The following PDPN variants were observed in gnomAD, a reference collection of about 807,000 sequenced individuals.
PDPN encodes the protein PA2.26 antigen.
A neutral mutation model predicts 23.2 loss-of-function variants in PDPN; 12 were observed. The observed-to-expected ratio is 0.52, with a 90% CI of 0.33 to 0.84. PDPN has a LOEUF of 0.84. PDPN is among the 40% of genes least tolerant of loss of function. PDPN has a pLI of 0.02. For missense variants in PDPN, 199 were observed against 212.2 expected, an observed-to-expected ratio of 0.94 and a Z score of 0.39; for synonymous variants, 77 against 76.7, an observed-to-expected ratio of 1.00 and a Z score of -0.02.
chr1:13,614,485 A>C, intron 5 of PDPN, 74 bp downstream of exon 5: 1 of 827,776 alleles, frequency 1.2e-6, no homozygotes, highest in African/African-American at 1.7e-5. Flanking sequence ...CTTTGAACTA[A>C]TAGAAATCTC....
chr1:13,585,673 C>A, intron 1 of PDPN: 1 of 1,341,840 alleles, frequency 7.5e-7, no homozygotes, highest in South Asian at 1.1e-5. Context: ...AACCGAAAAA[C>A]CATCGTTGGT....
chr1:13,585,613 C>A, intron 1 of PDPN: 1 of 1,352,002 alleles, frequency 7.4e-7, no homozygotes, highest in Non-Finnish European at 9.8e-7. Flanking sequence ...GCTGTGATTC[C>A]CTTCAGCCGG....
chr1:13,605,044 C>G (rs1186515214), intron 1 of PDPN, among the ~76,000 whole-genome samples: 1 of 152,210 alleles, frequency 6.6e-6, no homozygotes, highest in Admixed American at 6.5e-5. Context: ...GATTAGGACT[C>G]TAGAATAAAA....
rs1315034942 is a variant in PDPN, at chr1:13,616,994, C to T, written c.*1083C>T. ...TGTACAGTCTTAATATTAAAAGCAG[C>T]TTGACTAAATACCTGATTTAAAAAT... On this transcript the variant is annotated 3_prime_UTR_variant, in exon 6 of 6. Coordinates refer to ENST00000621990, the MANE Select transcript of PDPN (RefSeq NM_006474.5). The T allele has an allele frequency of 6.6e-6, 1 of 152,182 alleles. No homozygotes were observed. The highest frequency in any genetic ancestry group is 1.5e-5 in the Non-Finnish European group (1 of 68,034). The allele number at this position is 152,182 out of a possible 1,614,324, so 9.4% of individuals were successfully genotyped here.
In PDPN at chr1:13,616,949, A is replaced by C. The variant is rs981352823; in HGVS notation, c.*1038A>C. 1 of 152,256 alleles carries C rather than the reference A, an allele frequency of 6.6e-6. No homozygotes were observed. The highest frequency in any genetic ancestry group is 1.5e-5 in the Non-Finnish European group (1 of 68,056). 9.4% of individuals were successfully genotyped at this position (152,256 alleles called of 1,614,324 possible). On this transcript the variant is annotated 3_prime_UTR_variant, in exon 6 of 6. Transcript: ENST00000621990. ...TCACTTTCTGCCTCTGAGGAAAGAT[A>C]CAGGGAACAAAAATCAATTTGTACA...
intron 1 of PDPN, chr1:13,584,364 C>T: frequency 7.0e-7 from 1 of 1,427,082 alleles, no homozygotes; most frequent in Non-Finnish European, 9.2e-7. Context: ...GGGGGCCTCC[C>T]TCCGAGTCGG....
chr1:13,593,196 C>T (rs1557538275), intron 1 of PDPN, among the ~76,000 whole-genome samples: 1 of 152,096 alleles, frequency 6.6e-6, no homozygotes, highest in Non-Finnish European at 1.5e-5. Flanking sequence ...ATAGGAATGA[C>T]AGAAAGCAGA....
At chr1:13,585,420 C>G (rs1422904836) in intron 1 of PDPN, 3 of 1,140,438 alleles carry the variant, frequency 2.6e-6, no homozygotes, top group Admixed American at 6.4e-5. Context: ...ACTTCTCTTT[C>G]CACTGGAATA....
chr1:13,585,714 G>T, intron 1 of PDPN: 1 of 1,184,582 alleles, frequency 8.4e-7, no homozygotes, highest in African/African-American at 1.5e-5. Context: ...AGAAAGAAGT[G>T]GTATGCGGGG....
At position 13,591,839 on chromosome 1, in the gene PDPN, C is replaced by T. The variant is rs189820811; in HGVS notation, c.67+7739C>T. 5.3e-4 allele frequency among the ~76,000 whole-genome samples: 81 copies of T among 152,308 alleles called. 4 individuals carry two copies. The South Asian group carries it at 5.4e-3, about 10-fold the overall frequency. On this transcript the variant is annotated intron_variant, in intron 1 of 5. Coordinates refer to ENST00000621990, the MANE Select transcript of PDPN (RefSeq NM_006474.5). Reference sequence around the variant, plus strand: ...CCTCCCAAATAGCTGGGACTACAGGCGTATGCCACCACACCAAGTTTGTTT... The same window carrying T: ...CCTCCCAAATAGCTGGGACTACAGGTGTATGCCACCACACCAAGTTTGTTT...
At chr1:13,611,805 A>G (rs1209459129) in intron 3 of PDPN, among the ~76,000 whole-genome samples, 2 of 152,200 alleles carry the variant, frequency 1.3e-5, no homozygotes, top group Non-Finnish European at 2.9e-5. Context: ...TAAAACCTGA[A>G]GCTCACTCCA....
chr1:13,587,474 G>GGGAGGAGGA (rs531647187), intron 1 of PDPN, among the ~76,000 whole-genome samples: 2 of 152,044 alleles, frequency 1.3e-5, no homozygotes, highest in Middle Eastern at 3.2e-3. Flanking sequence ...AATACGACGG[G>GGGAGGAGGA]GGAGGAGGAG....
intron 1 of PDPN, among the ~76,000 whole-genome samples, chr1:13,586,856 A>G (rs897526026): frequency 5.3e-5 from 8 of 151,160 alleles, no homozygotes; most frequent in Admixed American, 2.0e-4. Flanking sequence ...GTTCGAGACC[A>G]GCCTGGCCAA....
chr1:13,614,437 G>A (rs1641016715), intron 5 of PDPN, 26 bp downstream of exon 5: 2 of 1,125,658 alleles, frequency 1.8e-6, no homozygotes, highest in Non-Finnish European at 2.7e-6. Context: ...ACACCCATGT[G>A]ATAGGCAAAT....
At chr1:13,589,705 C>T (rs1049265675) in intron 1 of PDPN, among the ~76,000 whole-genome samples, 2 of 152,218 alleles carry the variant, frequency 1.3e-5, no homozygotes, top group African/African-American at 2.4e-5. Flanking sequence ...AACCACTTAG[C>T]TACACAATCA....
intron 1 of PDPN, among the ~76,000 whole-genome samples, chr1:13,606,880 G>A (rs1157216729): frequency 2.0e-5 from 3 of 152,074 alleles, no homozygotes; most frequent in African/African-American, 4.8e-5. Flanking sequence ...AAAGATGTAC[G>A]TCCCCTGTCC....
chr1:13,613,739 T>C lies in PDPN; in HGVS notation c.370+14T>C. On this transcript the variant is annotated intron_variant, in intron 4 of 5. Coordinates refer to ENST00000621990, the MANE Select transcript of PDPN (RefSeq NM_006474.5). Reference sequence around the variant, plus strand: ...CAGTTGAGAAAGGTAGGCTAGATTTTGGCATCAAAATACTCTTACTGGGGT... The same window carrying C: ...CAGTTGAGAAAGGTAGGCTAGATTTCGGCATCAAAATACTCTTACTGGGGT... 1 of 1,465,308 alleles carries C rather than the reference T, an allele frequency of 6.8e-7. No individual in the cohort carries two copies. The highest frequency in any genetic ancestry group is 9.6e-7 in the Non-Finnish European group (1 of 1,045,384). 90.8% of individuals were successfully genotyped at this position (1,465,308 alleles called of 1,614,324 possible).
intron 5 of PDPN, among the ~76,000 whole-genome samples, chr1:13,615,359 C>G (rs1346796809): frequency 6.6e-6 from 1 of 150,490 alleles, no homozygotes; most frequent in African/African-American, 2.5e-5. Flanking sequence ...GATCTCGGCT[C>G]ACTGCAACCT....
At chr1:13,597,546 G>A (rs890282157) in intron 1 of PDPN, among the ~76,000 whole-genome samples, 1 of 152,160 alleles carries the variant, frequency 6.6e-6, no homozygotes, top group African/African-American at 2.4e-5. Context: ...TCTCACTCAC[G>A]TCAAGATGGA....
Sources: gnomAD v4.1 joint callset for allele counts (sites outside exome capture counted in the v4.1 genomes callset) on GRCh38, gnomAD v4.1.1 for gene constraint, MANE v1.5 for transcripts, NCBI Gene and HGNC (gene_info 2026-07-23, HGNC 2026-07-21) for gene names.